Variants in SLC22A25 observed in about 807,000 individuals in gnomAD.
SLC22A25 encodes the protein solute carrier family 22 member 25.
SLC22A25 carries 44 observed loss-of-function variants against 45.9 expected under a neutral mutation model. The observed-to-expected ratio is 0.96, with a 90% confidence interval of 0.75 to 1.23. The LOEUF (loss-of-function observed/expected upper bound fraction) is 1.23. Among genes scored for constraint, SLC22A25 ranks in the 50% most tolerant of loss-of-function variants. SLC22A25 has a pLI of 0.00. For missense variants in SLC22A25, 800 were observed against 666.4 expected (o/e 1.20, Z -2.21); for synonymous variants, 283 against 238.6 (o/e 1.19, Z -1.72).
chr11:63,178,757 G>T (rs1368130040), intron 9 of SLC22A25, among the ~76,000 whole-genome samples: 2 of 151,966 alleles, frequency 1.3e-5, no homozygotes, highest in East Asian at 3.9e-4. Context: ...TATTCTGTAG[G>T]TTGTTTCTCC....
intron 3 of SLC22A25, among the ~76,000 whole-genome samples, chr11:63,233,714 T>C (rs2090113385): frequency 6.6e-6 from 1 of 152,228 alleles, no homozygotes; most frequent in African/African-American, 2.4e-5. Context: ...TCTAGTTCTT[T>C]TAATTGTGAT....
In SLC22A25 at chr11:63,217,611, A is replaced by C. The variant is rs199963255; in HGVS notation, c.631T>G (p.Phe211Val). ...SLRFLAGAAT[F>V]SIIVNTVLLI... ...AAAACAGTATTTACAATGATGCTAA[A>C]TGTAGCAGCCCCAGCCAAGAAGCGC... The change falls in exon 6 of 12, where the codon TTT (phenylalanine) becomes GTT (valine). Residue 211 changes from phenylalanine to valine, a missense_variant. Physicochemically the swap from Phe to Val is conservative, Grantham distance 50. Transcript: ENST00000306494. The C allele has an allele frequency of 6.2e-7, 1 of 1,613,690 alleles. No individual in the cohort carries two copies. The highest frequency in any genetic ancestry group is 2.2e-5 in the East Asian group (1 of 44,846).
At chr11:63,211,045 A>G (rs1265267739) in intron 7 of SLC22A25, among the ~76,000 whole-genome samples, 1 of 151,168 alleles carries the variant, frequency 6.6e-6, no homozygotes, top group East Asian at 2.0e-4. Flanking sequence ...ACTGTGTGCC[A>G]GAAGGCCACT....
chr11:63,206,567 T>G (rs954075656), intron 7 of SLC22A25, among the ~76,000 whole-genome samples: 18 of 152,106 alleles, frequency 1.2e-4, no homozygotes, highest in African/African-American at 4.3e-4. Flanking sequence ...TACCTAGGAA[T>G]AGAACTCACA....
intron 9 of SLC22A25, among the ~76,000 whole-genome samples, chr11:63,170,287 A>G (rs763620711): frequency 5.9e-5 from 9 of 152,048 alleles, no homozygotes; most frequent in Non-Finnish European, 1.0e-4. Flanking sequence ...ATTGAAGAAA[A>G]GCTAGGCAAA....
chr11:63,231,435 T>C (rs1311879640), intron 3 of SLC22A25, among the ~76,000 whole-genome samples: 1 of 152,258 alleles, frequency 6.6e-6, no homozygotes, highest in Middle Eastern at 3.2e-3. Flanking sequence ...GTCTTTTGAC[T>C]GCATAAATGT....
chr11:63,233,054 T>A (rs1489145796), intron 3 of SLC22A25, among the ~76,000 whole-genome samples: 2 of 152,140 alleles, frequency 1.3e-5, no homozygotes, highest in African/African-American at 2.4e-5. Context: ...TATTGAGGAT[T>A]TTTGCATCAA....
At chr11:63,194,889 GCAAAAAAAAAAAAAAAAAAAAAAAAAAA>G (rs2088953983) in intron 7 of SLC22A25, among the ~76,000 whole-genome samples, 1 of 14,288 alleles carries the variant, frequency 7.0e-5, no homozygotes, top group African/African-American at 2.4e-4. Flanking sequence ...CAAATGGAAA[GCAAAAAAAAAAAAAAAAAAAAAAAAAAA>G]AAAAAAAAAA....
At chr11:63,218,284 G>A (rs2089770990) in intron 5 of SLC22A25, 1 of 319,242 alleles carries the variant, frequency 3.1e-6, no homozygotes, top group South Asian at 2.8e-5. Flanking sequence ...AACTTATAAG[G>A]GGGAGCTAAA....
At chr11:63,186,442 T>C (rs1169191555) in intron 7 of SLC22A25, among the ~76,000 whole-genome samples, 1 of 151,218 alleles carries the variant, frequency 6.6e-6, no homozygotes, top group Non-Finnish European at 1.5e-5. Context: ...TTCTGGATAT[T>C]AGCCCTTTGT....
intron 3 of SLC22A25, among the ~76,000 whole-genome samples, chr11:63,230,783 A>T (rs1039468533): frequency 2.0e-5 from 3 of 152,116 alleles, no homozygotes; most frequent in Non-Finnish European, 2.9e-5. Flanking sequence ...TATATCTCCT[A>T]ATGCTATCCC....
At chr11:63,175,825 G>GTATATATATATATATATA (rs5792280) in intron 9 of SLC22A25, among the ~76,000 whole-genome samples, 82 of 150,322 alleles carry the variant, frequency 5.5e-4, no homozygotes, top group African/African-American at 2.0e-3. Flanking sequence ...AATTGGGTGT[G>GTATATATATATATATATA]TATATATATA....
intron 3 of SLC22A25, among the ~76,000 whole-genome samples, chr11:63,232,221 G>T (rs2090082005): frequency 6.6e-6 from 1 of 152,114 alleles, no homozygotes; most frequent in African/African-American, 2.4e-5. Flanking sequence ...AAAGACCTTG[G>T]GCAGTATGGC....
intron 3 of SLC22A25, among the ~76,000 whole-genome samples, chr11:63,231,048 C>T (rs775907395): frequency 1.3e-5 from 2 of 152,162 alleles, no homozygotes; most frequent in Non-Finnish European, 2.9e-5. Context: ...TCTAGTCTAT[C>T]ATTGGTGGAC....
intron 1 of SLC22A25, among the ~76,000 whole-genome samples, chr11:63,239,882 G>C (rs1056517968): frequency 3.9e-5 from 6 of 152,264 alleles, no homozygotes; most frequent in Non-Finnish European, 7.4e-5. Context: ...TTCTTATAGT[G>C]AGTAAGGGAT....
chr11:63,177,734 T>C (rs893342250), intron 9 of SLC22A25, among the ~76,000 whole-genome samples: 3 of 150,646 alleles, frequency 2.0e-5, no homozygotes, highest in Non-Finnish European at 4.4e-5. Context: ...ATGACAGGAA[T>C]GTATTATTTT....
chr11:63,210,451 A>G (rs1221665112), intron 7 of SLC22A25, among the ~76,000 whole-genome samples: 2 of 152,202 alleles, frequency 1.3e-5, no homozygotes, highest in African/African-American at 2.4e-5. Context: ...ACAGGAACCA[A>G]TGTGCAAGAT....
At chr11:63,201,317 C>T (rs1009976192) in intron 7 of SLC22A25, among the ~76,000 whole-genome samples, 1 of 152,062 alleles carries the variant, frequency 6.6e-6, no homozygotes, top group Non-Finnish European at 1.5e-5. Context: ...ACACATAGAC[C>T]AATGGAACAG....
chr11:63,168,262 C>T (rs934691967), intron 9 of SLC22A25, among the ~76,000 whole-genome samples: 1 of 152,164 alleles, frequency 6.6e-6, no homozygotes, highest in African/African-American at 2.4e-5. Context: ...GCGTCTTCTC[C>T]TCCAAATGAT....
Sources: gnomAD v4.1 joint callset for allele counts (sites outside exome capture counted in the v4.1 genomes callset) on GRCh38, gnomAD v4.1.1 for gene constraint, MANE v1.5 for transcripts, NCBI Gene and HGNC (gene_info 2026-07-23, HGNC 2026-07-21) for gene names.